ZFAT: variants seen among roughly 807,000 people sequenced by gnomAD.
The protein encoded by ZFAT is zinc finger and AT-hook domain containing.
In ZFAT, 64 loss-of-function variants were observed where a neutral mutation model predicts 117.7. The ratio of observed to expected loss-of-function variants is 0.54; its 90% CI spans 0.44 to 0.67. The LOEUF (loss-of-function observed/expected upper bound fraction) is 0.67. ZFAT is among the 30% of genes least tolerant of loss of function. The pLI, the probability that ZFAT is intolerant of heterozygous loss-of-function variation, is 0.00. For synonymous variants in ZFAT, 679 were observed against 615.0 expected (o/e 1.10, Z -1.54); for missense variants, 1,433 against 1,584.5 (o/e 0.90, Z 1.62).
intron 7 of ZFAT, among the ~76,000 whole-genome samples, chr8:134,590,764 TCAC>T (rs202174086): frequency 0.023 from 3,348 of 145,432 alleles, 143 homozygotes; most frequent in African/African-American, 0.082. Context: ...TCAACAGTCA[TCAC>T]CACCACCACA....
At position 134,518,986 on chromosome 8, in the gene ZFAT, T is replaced by C. The variant is rs1820443620; in HGVS notation, c.3234+1897A>G. Among the ~76,000 whole-genome samples, 5 of 152,204 alleles carry C rather than the reference T, an allele frequency of 3.3e-5. No individual in the cohort carries two copies. The South Asian group carries it at 1.0e-3, about 31-fold the overall frequency. ...CATTGGGTCTATTCTAAATTTTCTGTTCGATTCCATTAAACCATCTGTTCA... is the reference window on the plus strand; with the variant it reads ...CATTGGGTCTATTCTAAATTTTCTGCTCGATTCCATTAAACCATCTGTTCA... On this transcript the variant is annotated intron_variant, in intron 13 of 15. Transcript: ENST00000377838.
rs531366375 is a variant in ZFAT at position 134,637,030 on chromosome 8, C to T, written c.448+431G>A. Among the ~76,000 whole-genome samples, 41 of 152,358 alleles carry T rather than the reference C, an allele frequency of 2.7e-4. 2 individuals carry two copies. Among genetic ancestry groups the T allele is most frequent in the Middle Eastern group, 3.4e-3 (1 of 294 alleles). On this transcript the variant is annotated intron_variant, in intron 3 of 15. Coordinates refer to ENST00000377838, the MANE Select transcript of ZFAT (RefSeq NM_020863.4). ...ACATGGCCCCATCCATCCACTAAGACGTCCTTCCTTCAATTCAATGCCACC... is the reference window on the plus strand; with the variant it reads ...ACATGGCCCCATCCATCCACTAAGATGTCCTTCCTTCAATTCAATGCCACC...
In ZFAT at chr8:134,610,099, G is replaced by C. The variant is rs1037431597; in HGVS notation, c.634+371C>G. 4.5e-4 allele frequency among the ~76,000 whole-genome samples: 68 copies of C among 152,314 alleles called. 1 individual carries two copies. The East Asian group carries it at 7.3e-3, about 16-fold the overall frequency. On this transcript the variant is annotated intron_variant, in intron 4 of 15. Transcript: ENST00000377838. ...CTGCATGCGTCTGGCTGAATGGGCT[G>C]GCCTCACATGCAGGACAGCATGGCT...
chr8:134,802,417 A>T, the ZFAT span, among the ~76,000 whole-genome samples: 1 of 152,312 alleles, frequency 6.6e-6, no homozygotes, highest in South Asian at 2.1e-4. Context: ...GCTGGGGTTT[A>T]TAGGTTCACA....
At chr8:134,692,209 A>C (rs1302625575) in intron 1 of ZFAT, among the ~76,000 whole-genome samples, 2 of 152,216 alleles carry the variant, frequency 1.3e-5, no homozygotes, top group Admixed American at 6.5e-5. Flanking sequence ...GATCAGGCTC[A>C]GGGTGGGAAA....
upstream of ZFAT, among the ~76,000 whole-genome samples, chr8:134,713,477 G>A (rs180835453): frequency 6.8e-4 from 104 of 152,340 alleles, 1 homozygote; most frequent in East Asian, 0.017. Flanking sequence ...TCAAAGCTGC[G>A]GCGTTTCCCG....
chr8:134,544,454 T>TA (rs1424435672), intron 11 of ZFAT, among the ~76,000 whole-genome samples: 30 of 148,110 alleles, frequency 2.0e-4, no homozygotes, highest in East Asian at 2.0e-3. Context: ...AAATTTTTTT[T>TA]TAAAAAAATT....
chr8:134,790,290 T>C, the ZFAT span, among the ~76,000 whole-genome samples: 1 of 152,174 alleles, frequency 6.6e-6, no homozygotes, highest in Non-Finnish European at 1.5e-5. Flanking sequence ...ACACACCTTT[T>C]GTTAAAGTAA....
In ZFAT at chr8:134,602,454, T is replaced by C. The variant is rs1827566896; in HGVS notation, c.1265A>G (p.His422Arg). Residue 422 changes from histidine (H) to arginine (R), a missense_variant, in exon 6 of 16, where the codon CAT becomes CGT. By Grantham distance (29) the His-to-Arg change is conservative (BLOSUM62 0). Transcript: ENST00000377838. ...CCACTTGTCTCCGTGGACCAGCATA[T>C]GGCGGTCACGGTCCAGCTCGTTCTT... ...KFKNELDRDR[H>R]MLVHGDKWPF... The C allele has an allele frequency of 6.2e-7, 1 of 1,613,826 alleles. No homozygotes were observed. The highest frequency in any genetic ancestry group is 1.7e-5 in the Admixed American group (1 of 60,006).
intron 1 of ZFAT, among the ~76,000 whole-genome samples, chr8:134,693,974 C>T (rs549559502): frequency 6.6e-5 from 10 of 152,258 alleles, no homozygotes; most frequent in Non-Finnish European, 1.5e-4. Context: ...CAATTCCTGC[C>T]CAGAAATGCA....
intron 1 of ZFAT, among the ~76,000 whole-genome samples, chr8:134,691,385 G>C (rs1215234631): frequency 1.3e-5 from 2 of 152,270 alleles, no homozygotes; most frequent in East Asian, 3.8e-4. Context: ...CTCCGCTGCA[G>C]CGGGCGCCTC....
chr8:134,684,755 CAA>C (rs1043019932), intron 1 of ZFAT, among the ~76,000 whole-genome samples: 39 of 152,324 alleles, frequency 2.6e-4, no homozygotes, highest in African/African-American at 9.1e-4. Flanking sequence ...ATTCTTGGCA[CAA>C]AAGTTTCATT....
intron 11 of ZFAT, among the ~76,000 whole-genome samples, chr8:134,534,985 C>T (rs1821726592): frequency 1.3e-5 from 2 of 152,170 alleles, no homozygotes; most frequent in Admixed American, 6.5e-5. Context: ...GGGGATGCCC[C>T]CTGCTCAGAC....
rs1823124387 is a variant in ZFAT, at chr8:134,550,980, C to T, written c.2976+14353G>A. 2.6e-5 allele frequency among the ~76,000 whole-genome samples: 4 copies of T among 152,174 alleles called. No homozygotes were observed. In the South Asian group the frequency reaches 8.3e-4, roughly 32 times the overall value. On this transcript the variant is annotated intron_variant, in intron 11 of 15. Transcript: ENST00000377838. ...CTATGCTTTACTTCTTTCCCTCTGC[C>T]CCTTGGTTCAGTAGTTTCCACTGAA...
In ZFAT at chr8:134,601,882, C is replaced by T; in HGVS notation, c.1837G>A (p.Glu613Lys). 6.2e-7 allele frequency: 1 copy of T among 1,613,266 alleles called. No individual in the cohort carries two copies. ...TSSAEAHAAP[E>K]KPPDMQHRSS... The stretch of plus-strand genomic sequence containing the variant: ...CTGTGCTGCATGTCTGGGGGCTTCT[C>T]AGGAGCAGCATGAGCCTCTGCGGAG... Residue 613 changes from glutamate to lysine, a missense_variant, in exon 6 of 16, where the codon GAG (glutamate) becomes AAG (lysine). Coordinates refer to ENST00000377838, the MANE Select transcript of ZFAT (RefSeq NM_020863.4).
intron 2 of ZFAT, among the ~76,000 whole-genome samples, chr8:134,655,510 T>G (rs865792383): frequency 6.6e-6 from 1 of 151,886 alleles, no homozygotes; most frequent in Non-Finnish European, 1.5e-5. Context: ...TAGGTGGGTG[T>G]GGTGGCGGGT....
chr8:134,483,753 G>A (rs1001895922), intron 15 of ZFAT, among the ~76,000 whole-genome samples: 2 of 152,170 alleles, frequency 1.3e-5, no homozygotes, highest in African/African-American at 4.8e-5. Context: ...CTGTTCCGCT[G>A]TCTCCAGTGT....
intron 11 of ZFAT, among the ~76,000 whole-genome samples, chr8:134,558,431 A>C (rs17768250): frequency 0.039 from 5,977 of 152,324 alleles, 176 homozygotes; most frequent in Middle Eastern, 0.085. Context: ...AGGCTCAAAA[A>C]GGTAAAGGAA....
the ZFAT span, among the ~76,000 whole-genome samples, chr8:134,756,077 G>A: frequency 6.6e-6 from 1 of 151,106 alleles, no homozygotes; most frequent in East Asian, 2.0e-4. Context: ...TTCCTGTAGG[G>A]CTCTTTCCCT....
Sources: allele counts gnomAD v4.1 joint callset (sites outside exome capture counted in the v4.1 genomes callset), GRCh38; gene constraint gnomAD v4.1.1; transcripts MANE v1.5; gene names NCBI Gene and HGNC (gene_info 2026-07-23, HGNC 2026-07-21).